PDE4D: variants seen among roughly 807,000 people sequenced by gnomAD.
PDE4D encodes 3',5'-cyclic-AMP phosphodiesterase 4D.
Under a neutral mutation model 87.4 loss-of-function variants are expected in PDE4D, and 24 were observed. That is an observed-to-expected ratio of 0.27 (90% CI 0.20 to 0.39). The LOEUF is 0.39. Ranked by LOEUF, PDE4D falls within the 10% of genes least tolerant of loss-of-function variation. The pLI is 1.00. For missense variants in PDE4D, 714 were observed against 1,041.0 expected (o/e 0.69, Z 4.32); for synonymous variants, 384 against 383.2 (o/e 1.00, Z -0.02).
chr5:59,436,744 C>T (rs879766865), intron 1 of PDE4D, among the ~76,000 whole-genome samples: 2 of 152,138 alleles, frequency 1.3e-5, no homozygotes, highest in Admixed American at 6.6e-5. Flanking sequence ...ATGCTTTATT[C>T]TCCAGCTAAT....
intron 6 of PDE4D, among the ~76,000 whole-genome samples, chr5:59,014,247 T>G (rs1753487351): frequency 6.6e-6 from 1 of 152,180 alleles, no homozygotes; most frequent in South Asian, 2.1e-4. Flanking sequence ...AAGACAGGGA[T>G]GCCTTCTCTC....
rs1051862246 is a variant in PDE4D at position 59,304,154 on chromosome 5, G to C, written c.456-88186C>G. Among the ~76,000 whole-genome samples, 18 of 151,906 alleles carry C rather than the reference G, an allele frequency of 1.2e-4. 1 individual carries two copies. The highest frequency in any genetic ancestry group is 4.3e-4 in the African/African-American group (18 of 41,454). ...AGTATTTTATTTTATTTTTTTTACA[G>C]CTATTGTAAAATGGGTTGAGTTCTT... is the stretch of plus-strand genomic sequence containing the variant. On this transcript the variant is annotated intron_variant, in intron 1 of 14. Transcript: ENST00000340635.
chr5:59,978,530 G>C (rs1374746915), intron 3 of PDE4D, among the ~76,000 whole-genome samples: 1 of 152,166 alleles, frequency 6.6e-6, no homozygotes, highest in Non-Finnish European at 1.5e-5. Context: ...ATGAAGCAAA[G>C]AAAATGGTTT....
chr5:58,993,238 T>C (rs1748335200), intron 7 of PDE4D, 134 bp downstream of exon 7: 3 of 533,752 alleles, frequency 5.6e-6, no homozygotes, highest in Admixed American at 3.9e-5. Context: ...GAATTATTAA[T>C]ATGACGAATG....
intron 5 of PDE4D, among the ~76,000 whole-genome samples, chr5:59,096,813 TG>T (rs1190509567): frequency 6.6e-6 from 1 of 152,218 alleles, no homozygotes; most frequent in Non-Finnish European, 1.5e-5. Flanking sequence ...ACAGTATCTA[TG>T]GTCTACCTAA....
chr5:60,122,239 C>A (rs1329872131), intron 2 of PDE4D, among the ~76,000 whole-genome samples: 1 of 152,194 alleles, frequency 6.6e-6, no homozygotes, highest in Non-Finnish European at 1.5e-5. Flanking sequence ...ATTCTGGGGT[C>A]TGAAGGCTGT....
chr5:59,087,210 T>G (rs1253685443), intron 5 of PDE4D, among the ~76,000 whole-genome samples: 1 of 152,102 alleles, frequency 6.6e-6, no homozygotes, highest in South Asian at 2.1e-4. Context: ...TAAGGCCAGA[T>G]GTGGTGACTC....
At chr5:59,370,806 C>T (rs1032166664) in intron 1 of PDE4D, among the ~76,000 whole-genome samples, 3 of 152,052 alleles carry the variant, frequency 2.0e-5, no homozygotes, top group African/African-American at 7.2e-5. Flanking sequence ...TTCTGAGAGC[C>T]ATATGAGATA....
intron 1 of PDE4D, among the ~76,000 whole-genome samples, chr5:59,638,771 G>C (rs2150181831): frequency 6.6e-6 from 1 of 152,184 alleles, no homozygotes; most frequent in Middle Eastern, 3.4e-3. Flanking sequence ...ACAGTGTATA[G>C]TGTTTTATAT....
In PDE4D at chr5:59,678,240, T is replaced by C. The variant is rs772740641; in HGVS notation, c.455+214928A>G. On this transcript the variant is annotated intron_variant, in intron 1 of 14. Transcript: ENST00000340635. ...AATAGTTTTTCACAACTTCTTATTG[T>C]AAAAGTAACAACATTATTTCAAAAT... Among the ~76,000 whole-genome samples the C allele has an allele frequency of 2.6e-5, 4 of 152,210 alleles. No individual in the cohort carries two copies. The East Asian group carries it at 7.7e-4, about 29-fold the overall frequency.
chr5:60,046,785 AT>A (rs1769316478), intron 2 of PDE4D, among the ~76,000 whole-genome samples: 1 of 151,912 alleles, frequency 6.6e-6, no homozygotes, highest in Non-Finnish European at 1.5e-5. Context: ...TTTATTGAGG[AT>A]TTTTGCATCA....
rs189026885 is a variant in PDE4D, at chr5:59,377,391, T to G, written c.456-161423A>C. On this transcript the variant is annotated intron_variant, in intron 1 of 14. Coordinates refer to ENST00000340635, the MANE Select transcript of PDE4D (RefSeq NM_001104631.2). ...GAGATCATGCCACTGCACTCCAGCC[T>G]GGGTGACAGAGTGAGACACCCATCT... is the stretch of plus-strand genomic sequence containing the variant. Among the ~76,000 whole-genome samples, 767 of 148,348 alleles carry G rather than the reference T, an allele frequency of 5.2e-3. 5 individuals are homozygous for G. The highest frequency in any genetic ancestry group is 7.8e-3 in the Non-Finnish European group (527 of 67,396).
At chr5:59,421,210 G>A (rs1794438257) in intron 1 of PDE4D, among the ~76,000 whole-genome samples, 1 of 152,032 alleles carries the variant, frequency 6.6e-6, no homozygotes, top group Non-Finnish European at 1.5e-5. Flanking sequence ...ATTGTTTTTT[G>A]ATTCAACCAT....
At chr5:59,572,470 GTTTTGTTTTTGT>G (rs527505513) in intron 1 of PDE4D, among the ~76,000 whole-genome samples, 2 of 149,212 alleles carry the variant, frequency 1.3e-5, no homozygotes, top group Non-Finnish European at 2.9e-5. Context: ...GTTTTGTTTT[GTTTTGTTTTTGT>G]TTTTGTTTTT....
chr5:60,162,624 A>T (rs1782556364), intron 2 of PDE4D, among the ~76,000 whole-genome samples: 1 of 152,126 alleles, frequency 6.6e-6, no homozygotes, highest in South Asian at 2.1e-4. Flanking sequence ...AGCTTGTTTA[A>T]CTGTGGCAAT....
chr5:59,645,572 CTGGCTGTCTGGGTG>C (rs1742308790), intron 1 of PDE4D, among the ~76,000 whole-genome samples: 1 of 152,128 alleles, frequency 6.6e-6, no homozygotes, highest in Admixed American at 6.5e-5. Context: ...TAGGTTCTTG[CTGGCTGTCTGGGTG>C]TAGCTTCCAC....
intron 1 of PDE4D, among the ~76,000 whole-genome samples, chr5:59,236,367 A>G (rs998491609): frequency 2.6e-5 from 4 of 152,120 alleles, no homozygotes; most frequent in African/African-American, 9.7e-5. Context: ...AAGTAAAGAG[A>G]TTGTCCTTTT....
chr5:59,091,305 T>A (rs903691442), intron 5 of PDE4D, among the ~76,000 whole-genome samples: 13 of 152,092 alleles, frequency 8.5e-5, no homozygotes, highest in African/African-American at 3.1e-4. Flanking sequence ...AAATGTACGC[T>A]TATGTGCATC....
chr5:59,944,861 C>A (rs1757572629), intron 3 of PDE4D, among the ~76,000 whole-genome samples: 1 of 152,050 alleles, frequency 6.6e-6, no homozygotes, highest in Non-Finnish European at 1.5e-5. Flanking sequence ...GCTCTTCCTC[C>A]TTCCCTCCAT....
Sources: allele counts gnomAD v4.1 joint callset (sites outside exome capture counted in the v4.1 genomes callset), GRCh38; gene constraint gnomAD v4.1.1; transcripts MANE v1.5; gene names NCBI Gene and HGNC (gene_info 2026-07-23, HGNC 2026-07-21).